CDH23: variants seen among roughly 807,000 people sequenced by gnomAD.
CDH23 encodes the protein cadherin-23.
A neutral mutation model predicts 317.1 loss-of-function variants in CDH23; 189 were observed. The observed-to-expected ratio is 0.60, with a 90% CI of 0.53 to 0.67. The LOEUF is 0.67. Among genes scored for constraint, CDH23 ranks in the 30% least tolerant of loss-of-function variants. The probability of loss-of-function intolerance (pLI) is 0.00; values close to 1 mark genes in which losing one functional copy is unlikely to be tolerated. For missense variants in CDH23, 4,401 were observed against 4,592.4 expected (o/e 0.96, Z 1.20); for synonymous variants, 1,839 against 1,876.8 (o/e 0.98, Z 0.52).
chr10:71,553,283 G>C (rs945566728), intron 6 of CDH23, among the ~76,000 whole-genome samples: 2 of 152,070 alleles, frequency 1.3e-5, no homozygotes, highest in Non-Finnish European at 2.9e-5. Flanking sequence ...CTCCCTGCCT[G>C]GGTCCAGCTC....
intron 9 of CDH23, among the ~76,000 whole-genome samples, chr10:71,612,157 G>A (rs528907400): frequency 1.3e-5 from 2 of 152,226 alleles, no homozygotes; most frequent in Admixed American, 6.5e-5. Flanking sequence ...TGTTGGTCTG[G>A]GGAGTTAATC....
chr10:71,803,521 C>T (rs948411699), intron 55 of CDH23, 101 bp downstream of exon 55: 57 of 1,112,660 alleles, frequency 5.1e-5, no homozygotes, highest in Non-Finnish European at 7.0e-5. Flanking sequence ...GGAAACTTGG[C>T]TTCAGGAAAG....
rs568741210 is a variant in CDH23 at position 71,791,220 on chromosome 10, C to T, written c.6138C>T (p.Ile2046=). ...ILELLLLAED[I]GLLNSTAHLL... is the part of the protein sequence containing the mutation. ...AGCTGCTGCTGCTGGCTGAGGACAT[C>T]GGGCTGCTCAACAGCACGGCCCACC... Residue 2046 remains isoleucine, a synonymous_variant, in exon 47 of 70, where the codon ATC becomes ATT. Coordinates refer to ENST00000224721, the MANE Select transcript of CDH23 (RefSeq NM_022124.6). 61 of 1,613,680 alleles carry T rather than the reference C, an allele frequency of 3.8e-5. No homozygotes were observed. Among genetic ancestry groups the T allele is most frequent in the South Asian group, 3.1e-4 (28 of 90,998 alleles).
intron 37 of CDH23, 106 bp downstream of exon 37, chr10:71,741,056 C>T: frequency 7.6e-7 from 1 of 1,319,650 alleles, no homozygotes; most frequent in Non-Finnish European, 1.1e-6. Context: ...ACTGGTCCCT[C>T]AGATCTCATG....
At position 71,806,379 on chromosome 10, in the gene CDH23, T is replaced by C. The variant is rs1841723937; in HGVS notation, c.8178+98T>C. 5 of 833,402 alleles carry C rather than the reference T, an allele frequency of 6.0e-6. No individual in the cohort carries two copies. In the Middle Eastern group the frequency reaches 6.6e-4, roughly 109 times the overall value. 51.6% of individuals were successfully genotyped at this position (833,402 alleles called of 1,614,324 possible). A position where few individuals can be genotyped will look rare whatever the true frequency, so the allele number is the denominator to read the frequency against. On this transcript the variant is annotated intron_variant, in intron 57 of 69. Coordinates refer to ENST00000224721, the MANE Select transcript of CDH23 (RefSeq NM_022124.6). ...ATATACACTGTGCCAGAATACACAT[T>C]TGGCTAGACACGGAAACATGTCTGC...
At chr10:71,765,390 G>A (rs1037575519) in intron 38 of CDH23, among the ~76,000 whole-genome samples, 4 of 152,368 alleles carry the variant, frequency 2.6e-5, no homozygotes, top group African/African-American at 9.6e-5. Flanking sequence ...GCAGAGTAGA[G>A]CTGGCAGCCA....
chr10:71,747,852 A>G (rs561112253), intron 38 of CDH23: 2 of 152,364 alleles, frequency 1.3e-5, no homozygotes, highest in South Asian at 4.1e-4. Context: ...ATCCCTCTCA[A>G]CACATTCCAG....
chr10:71,667,360 G>GAGA (rs1863951181), intron 14 of CDH23, among the ~76,000 whole-genome samples: 3 of 54,906 alleles, frequency 5.5e-5, no homozygotes, highest in Non-Finnish European at 1.0e-4. Context: ...GAGAGAGAGA[G>GAGA]TGTGTGTGTG....
rs537174716 is a variant in CDH23, at chr10:71,615,419, GCCCCAGCTCCATGCCCCCCTGC to G, written c.833-60_833-39del. Reference sequence around the variant, plus strand: ...CTTTAATGCCCAGAGAGGAGCCCTGGCCCCAGCTCCATGCCCCCCTGCCCCCAGCTCCATGCCCCCCTGCCCT... The same window carrying G: ...CTTTAATGCCCAGAGAGGAGCCCTGGCCCCAGCTCCATGCCCCCCTGCCCT... On this transcript the variant is annotated intron_variant, in intron 9 of 69. Transcript: ENST00000224721. 270 of 847,398 alleles carry G rather than the reference GCCCCAGCTCCATGCCCCCCTGC, an allele frequency of 3.2e-4. 3 individuals carry two copies. The African/African-American group carries it at 3.9e-3, about 12-fold the overall frequency. 52.5% of individuals were successfully genotyped at this position (847,398 alleles called of 1,614,324 possible). A position where few individuals can be genotyped will look rare whatever the true frequency, so the allele number is the denominator to read the frequency against.
rs2133002388 is a variant in CDH23, at chr10:71,811,593, G to A, written c.9278+3G>A. On this transcript the variant is annotated splice_donor_region_variant and intron_variant, in intron 64 of 69. Transcript: ENST00000224721. ...ATGAACTGGTACTACAGGACTGTGT[G>A]AGTGTCCCCCACCCCTGCCATCAGG... The A allele has an allele frequency of 6.2e-7, 1 of 1,613,926 alleles. No individual in the cohort carries two copies. The highest frequency in any genetic ancestry group is 8.5e-7 in the Non-Finnish European group (1 of 1,179,884).
Position 71,617,199 on chromosome 10 carries a change from C to G in CDH23, c.946-6C>G. 1.2e-6 allele frequency: 2 copies of G among 1,611,084 alleles called. No individual in the cohort carries two copies. The highest frequency in any genetic ancestry group is 2.7e-5 in the African/African-American group (2 of 74,994). On this transcript the variant is annotated splice_region_variant and splice_polypyrimidine_tract_variant and intron_variant, in intron 10 of 69. Coordinates refer to ENST00000224721, the MANE Select transcript of CDH23 (RefSeq NM_022124.6). ...TCACTCCGGGGTGACTGATCTCTGT[C>G]CATAGGGCACGGAGCTGAACGATGA...
In CDH23 at chr10:71,787,499, A is replaced by T. The variant is rs999613731; in HGVS notation, c.5821-1441A>T. On this transcript the variant is annotated intron_variant, in intron 44 of 69. Coordinates refer to ENST00000224721, the MANE Select transcript of CDH23 (RefSeq NM_022124.6). ...CACTGCCACTCACTGAACAGTGAACATTGTACCTAATAAATAATTTTTCAA... is the reference window on the plus strand; with the variant it reads ...CACTGCCACTCACTGAACAGTGAACTTTGTACCTAATAAATAATTTTTCAA... 2.6e-5 allele frequency among the ~76,000 whole-genome samples: 4 copies of T among 151,908 alleles called. No individual in the cohort carries two copies. The East Asian group carries it at 7.7e-4, about 29-fold the overall frequency.
At chr10:71,758,305 A>G (rs1029606580) in intron 38 of CDH23, among the ~76,000 whole-genome samples, 1 of 152,122 alleles carries the variant, frequency 6.6e-6, no homozygotes, top group Non-Finnish European at 1.5e-5. Flanking sequence ...GTCCTCGTGC[A>G]TGTCCTCCTG....
intron 30 of CDH23, among the ~76,000 whole-genome samples, chr10:71,730,135 C>G (rs990557014): frequency 6.6e-6 from 1 of 152,160 alleles, no homozygotes; most frequent in African/African-American, 2.4e-5. Context: ...CCGCGCCCGG[C>G]CGAATTATTA....
In CDH23 at chr10:71,494,649, C is replaced by T. The variant is rs370847839; in HGVS notation, c.146-15433C>T. Among the ~76,000 whole-genome samples the T allele has an allele frequency of 5.9e-5, 9 of 152,186 alleles. No homozygotes were observed. The South Asian group carries it at 1.0e-3, about 18-fold the overall frequency. Reference sequence around the variant, plus strand: ...ATAAATAGTGGCAAGGCCGGGACTGCGGTGAAGCAAGCTGGCCCCCAGGGC... The same window carrying T: ...ATAAATAGTGGCAAGGCCGGGACTGTGGTGAAGCAAGCTGGCCCCCAGGGC... On this transcript the variant is annotated intron_variant, in intron 3 of 69. Transcript: ENST00000224721.
intron 2 of CDH23, 91 bp from the exon 3 acceptor site, chr10:71,446,227 G>A: frequency 8.2e-7 from 1 of 1,216,866 alleles, no homozygotes; most frequent in South Asian, 1.2e-5. Flanking sequence ...CAGGCTCAGT[G>A]CCCACTGCAG....
chr10:71,409,578 T>A (rs1848259265), intron 1 of CDH23, among the ~76,000 whole-genome samples: 1 of 151,932 alleles, frequency 6.6e-6, no homozygotes, highest in Admixed American at 6.6e-5. Flanking sequence ...ATGAAATGAT[T>A]TGGGAGTGGA....
chr10:71,693,873 T>C (rs1865275122), intron 20 of CDH23, among the ~76,000 whole-genome samples: 1 of 152,092 alleles, frequency 6.6e-6, no homozygotes, highest in Non-Finnish European at 1.5e-5. Flanking sequence ...ACCCCGAGAA[T>C]CAGCCTAGAT....
intron 20 of CDH23, among the ~76,000 whole-genome samples, chr10:71,692,097 C>T (rs1865205067): frequency 6.6e-6 from 1 of 152,174 alleles, no homozygotes. Flanking sequence ...GCAGCAGCAT[C>T]TCATTCTGCC....
Sources: gnomAD v4.1 joint callset for allele counts (sites outside exome capture counted in the v4.1 genomes callset) on GRCh38, gnomAD v4.1.1 for gene constraint, MANE v1.5 for transcripts, NCBI Gene and HGNC (gene_info 2026-07-23, HGNC 2026-07-21) for gene names.